The following SH3PXD2B variants were observed in gnomAD, a reference collection of about 807,000 sequenced individuals.
SH3PXD2B encodes SH3 and PX domain-containing protein 2B.
In SH3PXD2B, 37 loss-of-function variants were observed where a neutral mutation model predicts 73.1. The observed-to-expected ratio is 0.51, with a 90% CI of 0.39 to 0.67. The LOEUF is 0.67. Among genes scored for constraint, SH3PXD2B ranks in the 30% least tolerant of loss-of-function variants. The probability of loss-of-function intolerance (pLI) is 0.00; values close to 1 mark genes in which losing one functional copy is unlikely to be tolerated. For synonymous variants in SH3PXD2B, 457 were observed against 480.5 expected (o/e 0.95, Z 0.64); for missense variants, 1,053 against 1,197.8 (o/e 0.88, Z 1.78).
chr5:172,454,220 T>G, intron 1 of SH3PXD2B, 58 bp downstream of exon 1: 2 of 1,478,660 alleles, frequency 1.4e-6, no homozygotes, highest in Non-Finnish European at 1.8e-6. Flanking sequence ...CCGGGGGCCC[T>G]CGGTCGCCCC....
At chr5:172,439,289 AAACCC>A (rs1427521380) in intron 1 of SH3PXD2B, among the ~76,000 whole-genome samples, 2 of 59,818 alleles carry the variant, frequency 3.3e-5, no homozygotes, top group African/African-American at 1.1e-4. Flanking sequence ...AACAAAAAAA[AAACCC>A]CAAAAAAAAA....
At chr5:172,370,508 T>C (rs542662115) in intron 6 of SH3PXD2B, among the ~76,000 whole-genome samples, 1 of 152,310 alleles carries the variant, frequency 6.6e-6, no homozygotes, top group African/African-American at 2.4e-5. Flanking sequence ...GGGAGAGCGC[T>C]CTGGGCTGTG....
intron 1 of SH3PXD2B, among the ~76,000 whole-genome samples, chr5:172,452,916 T>C (rs922615244): frequency 1.3e-5 from 2 of 152,064 alleles, no homozygotes; most frequent in East Asian, 1.9e-4. Flanking sequence ...CTTCACTCTA[T>C]ATAAAGATGC....
At chr5:172,433,695 G>A (rs1046893251) in intron 1 of SH3PXD2B, among the ~76,000 whole-genome samples, 4 of 152,156 alleles carry the variant, frequency 2.6e-5, no homozygotes, top group African/African-American at 4.8e-5. Context: ...GCCCCAACCC[G>A]GAACTTACTA....
At position 172,335,346 on chromosome 5, in the gene SH3PXD2B, G is replaced by A. The variant is rs1756661968; in HGVS notation, c.*3023C>T. On this transcript the variant is annotated 3_prime_UTR_variant, in exon 13 of 13. Transcript: ENST00000311601. ...GAAGAGGCACCGAAATTCAGAGGGA[G>A]GGTCACTTGATTCCCTGGAAGCCCT... 8.3e-7 allele frequency: 1 copy of A among 1,208,022 alleles called. No individual in the cohort carries two copies. The allele number at this position is 1,208,022 out of a possible 1,614,324, so 74.8% of individuals were successfully genotyped here. A position where few individuals can be genotyped will look rare whatever the true frequency, so the allele number is the denominator to read the frequency against.
downstream of SH3PXD2B, among the ~76,000 whole-genome samples, chr5:172,332,039 G>A (rs1461432624): frequency 6.6e-6 from 1 of 152,188 alleles, no homozygotes; most frequent in Non-Finnish European, 1.5e-5. Flanking sequence ...GGACAGAAAT[G>A]TAGTGAGAGG....
chr5:172,378,726 G>A (rs1757874842), intron 5 of SH3PXD2B, among the ~76,000 whole-genome samples: 1 of 152,150 alleles, frequency 6.6e-6, no homozygotes. Context: ...TACATAAGAG[G>A]AGACTGAGGC....
In SH3PXD2B at chr5:172,336,774, C is replaced by T. The variant is rs1438472467; in HGVS notation, c.*1595G>A. The stretch of plus-strand genomic sequence containing the variant: ...AGGGGTTCTGCTCTGCTCTCTTACT[C>T]TGGGCTGGGAGCTAGAAATGCTGGG... On this transcript the variant is annotated 3_prime_UTR_variant, in exon 13 of 13. Transcript: ENST00000311601. 19 of 985,518 alleles carry T rather than the reference C, an allele frequency of 1.9e-5. No individual in the cohort carries two copies. Among genetic ancestry groups the T allele is most frequent in the Non-Finnish European group, 2.3e-5 (19 of 830,136 alleles). 61.0% of individuals were successfully genotyped at this position (985,518 alleles called of 1,614,324 possible). A position where few individuals can be genotyped will look rare whatever the true frequency, so the allele number is the denominator to read the frequency against.
chr5:172,374,630 G>A (rs1401725277), intron 5 of SH3PXD2B, among the ~76,000 whole-genome samples: 15 of 152,280 alleles, frequency 9.9e-5, no homozygotes, highest in South Asian at 4.1e-4. Context: ...GCAGTGAGCC[G>A]AGATCGTGCC....
intron 12 of SH3PXD2B, among the ~76,000 whole-genome samples, chr5:172,345,447 C>T (rs1453571406): frequency 6.6e-6 from 1 of 152,140 alleles, no homozygotes; most frequent in Non-Finnish European, 1.5e-5. Context: ...GAGGGTCTGA[C>T]CAACTCTTAC....
chr5:172,404,335 T>C (rs750314513), intron 3 of SH3PXD2B, among the ~76,000 whole-genome samples: 2 of 151,730 alleles, frequency 1.3e-5, no homozygotes, highest in African/African-American at 4.8e-5. Flanking sequence ...TGAGATAGAG[T>C]TTCACTCTTT....
rs769498032 is a variant in SH3PXD2B, at chr5:172,353,873, G to T, written c.785+15C>A. ...CCAAACCCACCCAGCAACCGTGGGG[G>T]GCAGCGGCTGGTACCTGATCTTCCA... On this transcript the variant is annotated intron_variant, in intron 9 of 12. Coordinates refer to ENST00000311601, the MANE Select transcript of SH3PXD2B (RefSeq NM_001017995.3). The surrounding 1 kb of genome is among the most constrained non-coding windows in gnomAD (Gnocchi z 4.3). The T allele has an allele frequency of 6.2e-7, 1 of 1,607,436 alleles. No individual in the cohort carries two copies. The highest frequency in any genetic ancestry group is 1.7e-5 in the Admixed American group (1 of 59,994).
rs144424788 is a variant in SH3PXD2B at position 172,339,702 on chromosome 5, C to G, written c.1403G>C (p.Arg468Pro). Residue 468 changes from arginine (R) to proline (P), a missense_variant, in exon 13 of 13, where the codon CGG (arginine) becomes CCG (proline). Around this residue, in one of 2 missense-constraint regions of SH3PXD2B, gnomAD observed 587 missense variants for 590.7 expected, o/e 0.99. Transcript: ENST00000311601. The surrounding 1 kb of genome is among the most constrained non-coding windows in gnomAD (Gnocchi z 6.1). ...ACCATGCGGTGCGTCAGGCAGGGGC[C>G]GGGAGGGGCCCGTGGCTTCGCTGCC... Reference protein sequence around the residue: ...NTGSEATGPSRPLPDAPHGVM... With the variant: ...NTGSEATGPSPPLPDAPHGVM... 4.3e-6 allele frequency: 7 copies of G among 1,614,208 alleles called. No homozygotes were observed. The highest frequency in any genetic ancestry group is 5.9e-6 in the Non-Finnish European group (7 of 1,180,028).
At chr5:172,325,362 A>G in exon 13 of SH3PXD2B, 1 of 1,535,476 alleles carries the variant, frequency 6.5e-7, no homozygotes, top group Non-Finnish European at 8.7e-7. Flanking sequence ...GGGCTCTCCA[A>G]GTGAACATTC....
intron 12 of SH3PXD2B, among the ~76,000 whole-genome samples, chr5:172,345,072 A>AAGAAGGAGGGAAGGAAGAAG: frequency 6.7e-6 from 1 of 149,058 alleles, no homozygotes; most frequent in African/African-American, 2.5e-5. Context: ...GGAAGGAGGA[A>AAGAAGGAGGGAAGGAAGAAG]GGAAGGAGGG....
chr5:172,426,419 G>A (rs748352365), intron 1 of SH3PXD2B, among the ~76,000 whole-genome samples: 1 of 152,210 alleles, frequency 6.6e-6, no homozygotes, highest in East Asian at 1.9e-4. Context: ...TCTCCCTTGA[G>A]GGGTAAGCCA....
chr5:172,338,954 A>C lies in SH3PXD2B; in HGVS notation c.2151T>G (p.Asp717Glu). The C allele has an allele frequency of 1.2e-6, 2 of 1,614,122 alleles. No homozygotes were observed. Among genetic ancestry groups the C allele is most frequent in the Non-Finnish European group, 1.7e-6 (2 of 1,179,996 alleles). The change falls in exon 13 of 13, where the codon GAT becomes GAG. Residue 717 changes from aspartate (D) to glutamate (E), a missense_variant. This residue lies in a region of SH3PXD2B where 587 missense variants were observed against 590.7 expected (regional missense o/e 0.99). Transcript: ENST00000311601. The surrounding 1 kb of genome is among the most constrained non-coding windows in gnomAD (Gnocchi z 5.1). ...AGGAAATCTCTTTTGGGCTGAGACC[A>C]TCCTGTTTGCCCGTCCTGTCCTGGG... is the stretch of plus-strand genomic sequence containing the variant. ...GRAQDRTGKQ[D>E]GLSPKEISCR...
intron 10 of SH3PXD2B, among the ~76,000 whole-genome samples, chr5:172,348,615 AATCTATCTATGTATCTATCTATGTATCT>A (rs1214725261): frequency 7.1e-6 from 1 of 140,702 alleles, no homozygotes; most frequent in African/African-American, 3.0e-5. Flanking sequence ...TTAGCATCTG[AATCTATCTATGTATCTATCTATGTATCT>A]ATCTATCTAT....
intron 6 of SH3PXD2B, among the ~76,000 whole-genome samples, chr5:172,369,247 T>G (rs1170091759): frequency 4.0e-5 from 6 of 149,946 alleles, no homozygotes; most frequent in Non-Finnish European, 7.4e-5. Flanking sequence ...GTTTTGTTTT[T>G]TTTTTAAATA....
Sources: gnomAD v4.1 joint callset for allele counts (sites outside exome capture counted in the v4.1 genomes callset) on GRCh38, gnomAD v4.1.1 for gene constraint, gnomAD v4.1.1 regional missense constraint, Gnocchi (gnomAD v3.1) non-coding constraint, MANE v1.5 for transcripts, NCBI Gene and HGNC (gene_info 2026-07-23, HGNC 2026-07-21) for gene names.